Variants in SPTLC2 observed in about 807,000 individuals in gnomAD.
SPTLC2 encodes the protein serine palmitoyltransferase 2.
Under a neutral mutation model 62.0 loss-of-function variants are expected in SPTLC2, and 21 were observed. The observed-to-expected ratio is 0.34, with a 90% CI of 0.24 to 0.49. The LOEUF (loss-of-function observed/expected upper bound fraction) is 0.49, where lower values mean the gene tolerates loss of function less well. Among genes scored for constraint, SPTLC2 ranks in the 20% least tolerant of loss-of-function variants. SPTLC2 has a pLI of 0.99. For missense variants in SPTLC2, 511 were observed against 713.0 expected, an observed-to-expected ratio of 0.72 and a Z score of 3.23; for synonymous variants, 261 against 261.8, an observed-to-expected ratio of 1.00 and a Z score of 0.03.
intron 9 of SPTLC2, among the ~76,000 whole-genome samples, chr14:77,548,838 C>T (rs545631066): frequency 6.6e-6 from 1 of 152,312 alleles, no homozygotes; most frequent in African/African-American, 2.4e-5. Context: ...TTACATGCTG[C>T]AGCTTTTCTG....
chr14:77,512,205 T>C lies in SPTLC2; in HGVS notation c.*79A>G. 1.9e-6 allele frequency: 3 copies of C among 1,604,226 alleles called. No individual in the cohort carries two copies. ...TTCACGTGAGATGGCCACAGAAGTG[T>C]GGTTCCTGGAACTGGCTCACAAAGG... On this transcript the variant is annotated 3_prime_UTR_variant, in exon 12 of 12. Transcript: ENST00000216484.
chr14:77,613,746 A>G (rs752460820), intron 1 of SPTLC2, among the ~76,000 whole-genome samples: 3 of 152,236 alleles, frequency 2.0e-5, no homozygotes, highest in Non-Finnish European at 4.4e-5. Context: ...CATGACACAC[A>G]GCTGTATGCG....
intron 2 of SPTLC2, among the ~76,000 whole-genome samples, chr14:77,579,957 A>G (rs2079738862): frequency 6.6e-6 from 1 of 152,218 alleles, no homozygotes; most frequent in South Asian, 2.1e-4. Context: ...CAATTCTGTC[A>G]TTAAATGGTT....
chr14:77,593,295 T>C (rs554180468), intron 2 of SPTLC2, among the ~76,000 whole-genome samples: 1 of 152,236 alleles, frequency 6.6e-6, no homozygotes, highest in East Asian at 1.9e-4. Context: ...TATTAGAATA[T>C]TTTTTTCTGA....
At chr14:77,520,875 T>C (rs2079381986) in intron 10 of SPTLC2, among the ~76,000 whole-genome samples, 1 of 152,204 alleles carries the variant, frequency 6.6e-6, no homozygotes, top group African/African-American at 2.4e-5. Flanking sequence ...GGGACCTCTT[T>C]GCTACTCTTC....
At chr14:77,530,171 A>G (rs2079430942) in intron 9 of SPTLC2, among the ~76,000 whole-genome samples, 1 of 152,190 alleles carries the variant, frequency 6.6e-6, no homozygotes, top group Non-Finnish European at 1.5e-5. Flanking sequence ...TTGTTATTAC[A>G]TCATTTCCAA....
intron 9 of SPTLC2, among the ~76,000 whole-genome samples, chr14:77,526,126 T>C (rs1594970850): frequency 1.3e-5 from 2 of 152,130 alleles, no homozygotes; most frequent in South Asian, 4.1e-4. Flanking sequence ...CGTTAGAAAA[T>C]AGTTATCCTT....
At chr14:77,600,378 G>A (rs542382161) in intron 1 of SPTLC2, among the ~76,000 whole-genome samples, 68 of 152,234 alleles carry the variant, frequency 4.5e-4, no homozygotes, top group African/African-American at 1.6e-3. Flanking sequence ...GAGGCAGATG[G>A]GCACGCCAAC....
intron 1 of SPTLC2, 77 bp from the exon 2 acceptor site, chr14:77,597,457 A>T: frequency 1.5e-6 from 2 of 1,359,464 alleles, no homozygotes; most frequent in Non-Finnish European, 2.1e-6. Flanking sequence ...GTCCTTAGAG[A>T]TTTGCTGAAT....
At chr14:77,615,675 A>G (rs1297610303) in intron 1 of SPTLC2, among the ~76,000 whole-genome samples, 1 of 152,248 alleles carries the variant, frequency 6.6e-6, no homozygotes, top group African/African-American at 2.4e-5. Flanking sequence ...ACTTTTCAAA[A>G]TATTTTAGAA....
chr14:77,566,082 CA>C (rs1240368000), intron 5 of SPTLC2, among the ~76,000 whole-genome samples: 1 of 152,152 alleles, frequency 6.6e-6, no homozygotes, highest in Non-Finnish European at 1.5e-5. Context: ...CCCCTCCGCA[CA>C]AAATTTTATT....
chr14:77,527,834 T>C (rs1012872474), intron 9 of SPTLC2, among the ~76,000 whole-genome samples: 2 of 152,218 alleles, frequency 1.3e-5, no homozygotes, highest in Admixed American at 1.3e-4. Flanking sequence ...TAGTACTATT[T>C]AGCATTATAC....
At chr14:77,523,721 C>T in intron 9 of SPTLC2, among the ~76,000 whole-genome samples, 1 of 152,120 alleles carries the variant, frequency 6.6e-6, no homozygotes, top group East Asian at 1.9e-4. Flanking sequence ...CAGAAGGGGA[C>T]TCTACTCCTA....
At chr14:77,605,691 T>C (rs2079901404) in intron 1 of SPTLC2, among the ~76,000 whole-genome samples, 1 of 152,208 alleles carries the variant, frequency 6.6e-6, no homozygotes, top group South Asian at 2.1e-4. Context: ...GCTATATGGG[T>C]TGGCATGACA....
intron 10 of SPTLC2, among the ~76,000 whole-genome samples, chr14:77,519,513 T>C (rs925194307): frequency 1.3e-5 from 2 of 151,928 alleles, no homozygotes; most frequent in African/African-American, 2.4e-5. Flanking sequence ...GGTCAGGAGT[T>C]GGAGACCAGC....
At chr14:77,561,066 G>A (rs2079612632) in intron 6 of SPTLC2, among the ~76,000 whole-genome samples, 1 of 151,194 alleles carries the variant, frequency 6.6e-6, no homozygotes, top group Non-Finnish European at 1.5e-5. Context: ...AGGCAATTTG[G>A]AAAAGTATTA....
intron 9 of SPTLC2, among the ~76,000 whole-genome samples, chr14:77,538,154 C>T (rs1299382278): frequency 1.3e-5 from 2 of 152,196 alleles, no homozygotes; most frequent in East Asian, 1.9e-4. Flanking sequence ...TTACCCTCTA[C>T]GATGCTATGA....
chr14:77,515,693 G>A (rs983041364), intron 11 of SPTLC2, among the ~76,000 whole-genome samples: 1 of 151,896 alleles, frequency 6.6e-6, no homozygotes. Flanking sequence ...GGGATTACAG[G>A]TGCCCCCCAC....
intron 9 of SPTLC2, among the ~76,000 whole-genome samples, chr14:77,522,836 T>C (rs1427795071): frequency 6.6e-6 from 1 of 152,220 alleles, no homozygotes; most frequent in African/African-American, 2.4e-5. Context: ...CCAAGCATGA[T>C]ACATGACATA....
Sources: gnomAD v4.1 joint callset for allele counts (sites outside exome capture counted in the v4.1 genomes callset) on GRCh38, gnomAD v4.1.1 for gene constraint, MANE v1.5 for transcripts, NCBI Gene and HGNC (gene_info 2026-07-23, HGNC 2026-07-21) for gene names.